The following CARD9 variants were observed in gnomAD, a reference collection of about 807,000 sequenced individuals.
The protein encoded by CARD9 is caspase recruitment domain-containing protein 9.
CARD9 carries 53 observed loss-of-function variants against 66.0 expected under a neutral mutation model. The ratio of observed to expected loss-of-function variants is 0.80; its 90% confidence interval spans 0.64 to 1.01. The LOEUF (loss-of-function observed/expected upper bound fraction) is 1.01. Ranked by LOEUF, CARD9 falls within the 50% of genes least tolerant of loss-of-function variation. The pLI is 0.00. For missense variants in CARD9, 769 were observed against 743.2 expected (o/e 1.03, Z -0.40); for synonymous variants, 387 against 313.8 (o/e 1.23, Z -2.47).
chr9:136,368,386 C>G (rs988402891), intron 7 of CARD9, among the ~76,000 whole-genome samples: 1 of 152,260 alleles, frequency 6.6e-6, no homozygotes, highest in African/African-American at 2.4e-5. Context: ...GGGAGCCACA[C>G]CAACCCCCAT....
chr9:136,365,763 G>A (rs79796915), intron 10 of CARD9: 6,386 of 157,028 alleles, frequency 0.041, 155 homozygotes, highest in East Asian at 0.12. Context: ...TCCAGTCTCA[G>A]CCCCACTGCG....
chr9:136,369,911 AG>A, intron 6 of CARD9, 36 bp from the exon 7 acceptor site: 1 of 1,607,966 alleles, frequency 6.2e-7, no homozygotes, highest in Non-Finnish European at 8.5e-7. Flanking sequence ...CACAGGCCTG[AG>A]GCCCCCCATT....
chr9:136,364,716 C>G (rs1460898213), intron 11 of CARD9, 157 bp from the exon 12 acceptor site: 3 of 723,032 alleles, frequency 4.1e-6, no homozygotes, highest in Non-Finnish European at 4.5e-6. Context: ...TGGGACCTGC[C>G]TGTACCCCTG....
intron 6 of CARD9, 189 bp from the exon 7 acceptor site, chr9:136,370,064 G>T: frequency 7.2e-7 from 1 of 1,396,392 alleles, no homozygotes; most frequent in African/African-American, 1.4e-5. Flanking sequence ...CCTCCGGCAG[G>T]CCTCAGACAC....
At chr9:136,366,989 C>G in intron 9 of CARD9, 144 bp from the exon 10 acceptor site, 1 of 1,108,768 alleles carries the variant, frequency 9.0e-7, no homozygotes, top group East Asian at 2.5e-5. Context: ...GACTCAGGTG[C>G]CCAGCAGACG....
intron 2 of CARD9, 147 bp from the exon 3 acceptor site, chr9:136,371,608 C>T: frequency 7.4e-7 from 1 of 1,343,486 alleles, no homozygotes; most frequent in Non-Finnish European, 1.0e-6. Flanking sequence ...CCCTGCGGGT[C>T]TTGGTACTAG....
intron 6 of CARD9, 144 bp from the exon 7 acceptor site, chr9:136,370,019 C>G: frequency 1.4e-6 from 2 of 1,481,198 alleles, no homozygotes; most frequent in Non-Finnish European, 9.0e-7. Context: ...AGGCCCCTAC[C>G]AGCCCTGCAC....
intron 8 of CARD9, 178 bp downstream of exon 8, chr9:136,367,459 C>T (rs1833150276): frequency 2.1e-6 from 2 of 942,624 alleles, no homozygotes; most frequent in South Asian, 1.6e-5. Flanking sequence ...AGCCCCACTT[C>T]CTGCTGGGAC....
At chr9:136,367,607 T>G in intron 8 of CARD9, 30 bp downstream of exon 8, 1 of 1,546,290 alleles carries the variant, frequency 6.5e-7, no homozygotes, top group Non-Finnish European at 8.7e-7. Flanking sequence ...ACGCGCCGGC[T>G]CCCCTCCCTG....
intron 7 of CARD9, among the ~76,000 whole-genome samples, chr9:136,369,343 A>G (rs1833200538): frequency 6.6e-6 from 1 of 152,248 alleles, no homozygotes; most frequent in Non-Finnish European, 1.5e-5. Context: ...ATATAAATAG[A>G]TAGATAGGTG....
Position 136,364,521 on chromosome 9 carries a change from C to T in CARD9, c.1473G>A (p.Glu491=), listed in dbSNP as rs1229520330. ...CAAAACTCTCTTTGAGGCGCCGCCG[C>T]TCCTTCTCGGGCGGCTCCCCGCTGC... is the stretch of plus-strand genomic sequence containing the variant. ...GLSSGEPPEK[E]RRRLKESFEN... Residue 491 remains glutamate, a synonymous_variant, in exon 12 of 13, where the codon GAG becomes GAA. Coordinates refer to ENST00000371732, the MANE Select transcript of CARD9 (RefSeq NM_052813.5). The T allele has an allele frequency of 6.5e-7, 1 of 1,539,312 alleles. No homozygotes were observed. Among genetic ancestry groups the T allele is most frequent in the Middle Eastern group, 1.9e-4 (1 of 5,240 alleles).
chr9:136,373,471 C>T (rs745812563), intron 1 of CARD9, 61 bp downstream of exon 1: 1 of 984,488 alleles, frequency 1.0e-6, no homozygotes. Context: ...GTGCCAGGAT[C>T]CTGAACTAGG....
intron 2 of CARD9, 65 bp from the exon 3 acceptor site, chr9:136,371,526 G>GGCC: frequency 9.7e-6 from 5 of 516,028 alleles, no homozygotes; most frequent in Non-Finnish European, 1.8e-5. Flanking sequence ...GGGTGGGTGG[G>GGCC]CCTGGGGGCA....
At chr9:136,364,600 G>A (rs1457330611) in intron 11 of CARD9, 41 bp from the exon 12 acceptor site, 9 of 1,524,166 alleles carry the variant, frequency 5.9e-6, no homozygotes, top group Non-Finnish European at 7.0e-6. Context: ...CGGCTCCCCT[G>A]AGGGAACCCG....
At chr9:136,364,678 G>A (rs1475280944) in intron 11 of CARD9, 119 bp from the exon 12 acceptor site, 2 of 1,011,732 alleles carry the variant, frequency 2.0e-6, no homozygotes, top group African/African-American at 1.6e-5. Flanking sequence ...AGCCCAGACA[G>A]CCTCAGCTCA....
At position 136,370,889 on chromosome 9, in the gene CARD9, ACTCTGGTGCG is replaced by A. The variant is rs779733829; in HGVS notation, c.569_578del (p.Ala190ValfsTer26). ...GCATGAGCGCGGCGCCCTTCTCCTCACTCTGGTGCGCCAGGCGCATGGCCAGGTCGTAGTT... is the reference window on the plus strand; with the variant it reads ...GCATGAGCGCGGCGCCCTTCTCCTCACCAGGCGCATGGCCAGGTCGTAGTT... On this transcript the variant is annotated frameshift_variant, in exon 4 of 13. Coordinates refer to ENST00000371732, the MANE Select transcript of CARD9 (RefSeq NM_052813.5). LOFTEE classifies it high-confidence loss of function. The A allele has an allele frequency of 3.1e-6, 5 of 1,607,042 alleles. No homozygotes were observed. The highest frequency in any genetic ancestry group is 4.3e-6 in the Non-Finnish European group (5 of 1,175,922).
In CARD9 at chr9:136,372,074, G is replaced by A. The variant is rs995161906; in HGVS notation, c.5C>T (p.Ser2Leu). The change falls in exon 2 of 13, where the codon TCG becomes TTG. Residue 2 changes from serine to leucine, a missense_variant. Coordinates refer to ENST00000371732, the MANE Select transcript of CARD9 (RefSeq NM_052813.5). M[S>L]DYENDDECWS... Reference sequence around the variant, plus strand: ...GCACTCGTCATCGTTCTCGTAGTCCGACATGGCCTCAGCAGGCAGGCTGGG... The same window carrying A: ...GCACTCGTCATCGTTCTCGTAGTCCAACATGGCCTCAGCAGGCAGGCTGGG... The A allele has an allele frequency of 6.8e-6, 11 of 1,612,596 alleles. No individual in the cohort carries two copies. Among genetic ancestry groups the A allele is most frequent in the Middle Eastern group, 1.7e-4 (1 of 6,048 alleles).
At chr9:136,366,296 G>A (rs1833122390) in intron 10 of CARD9, 5 of 176,622 alleles carry the variant, frequency 2.8e-5, no homozygotes, top group Admixed American at 1.1e-4. Flanking sequence ...CCACTGCACC[G>A]GGACACAGCA....
intron 3 of CARD9, 44 bp downstream of exon 3, chr9:136,371,280 C>T: frequency 6.3e-7 from 1 of 1,582,984 alleles, no homozygotes; most frequent in Non-Finnish European, 8.6e-7. Flanking sequence ...TGCCCGCTCC[C>T]CGCCAGCGCC....
Sources: allele counts gnomAD v4.1 joint callset (sites outside exome capture counted in the v4.1 genomes callset), GRCh38; gene constraint gnomAD v4.1.1; transcripts MANE v1.5; gene names NCBI Gene and HGNC (gene_info 2026-07-23, HGNC 2026-07-21).